The following GAB3 variants were observed in gnomAD, a reference collection of about 807,000 sequenced individuals.
GAB3 encodes the protein GRB2-associated-binding protein 3.
In GAB3, 12 loss-of-function variants were observed where a neutral mutation model predicts 40.4. The ratio of observed to expected loss-of-function variants is 0.30; its 90% CI spans 0.19 to 0.48. The LOEUF is 0.48. Among genes scored for constraint, GAB3 ranks in the 20% least tolerant of loss-of-function variants. The pLI is 0.99. For synonymous variants in GAB3, 154 were observed against 176.7 expected, an observed-to-expected ratio of 0.87 and a Z score of 1.02; for missense variants, 381 against 461.9, an observed-to-expected ratio of 0.82 and a Z score of 1.61.
intron 1 of GAB3, among the ~76,000 whole-genome samples, chrX:154,741,112 A>C (rs1557261168): frequency 1.8e-5 from 2 of 111,925 alleles, no homozygotes; most frequent in Non-Finnish European, 1.9e-5. Flanking sequence ...AATAAGTCTC[A>C]CAAGATCTGA....
chrX:154,691,923 G>C (rs2070576554), intron 8 of GAB3, among the ~76,000 whole-genome samples: 1 of 111,905 alleles, frequency 8.9e-6, no homozygotes, highest in African/African-American at 3.2e-5. Flanking sequence ...GGATAGTCTA[G>C]ACTTTCCAAC....
intron 1 of GAB3, among the ~76,000 whole-genome samples, chrX:154,739,971 T>C (rs1557261007): frequency 8.9e-6 from 1 of 112,430 alleles, no homozygotes; most frequent in Non-Finnish European, 1.9e-5. Context: ...TAAAACAAGA[T>C]ACCATTTATC....
chrX:154,683,365 C>T (rs782642199), intron 8 of GAB3, among the ~76,000 whole-genome samples: 31 of 112,408 alleles, frequency 2.8e-4, no homozygotes, highest in African/African-American at 9.0e-4. Context: ...GTTCTCATAT[C>T]CATTATGCCT....
chrX:154,730,375 T>C (rs1342488888), intron 1 of GAB3, among the ~76,000 whole-genome samples: 10 of 112,159 alleles, frequency 8.9e-5, no homozygotes, highest in Non-Finnish European at 1.9e-4. Flanking sequence ...AGATTCTAGT[T>C]ACTGTTTAGA....
intron 8 of GAB3, among the ~76,000 whole-genome samples, chrX:154,690,255 C>T (rs1314531857): frequency 9.0e-6 from 1 of 111,071 alleles, no homozygotes; most frequent in Non-Finnish European, 1.9e-5. Flanking sequence ...ACACCTTATA[C>T]AAAAATTAAT....
chrX:154,739,286 T>G (rs1383947554), intron 1 of GAB3, among the ~76,000 whole-genome samples: 1 of 112,252 alleles, frequency 8.9e-6, no homozygotes, highest in Non-Finnish European at 1.9e-5. Flanking sequence ...CCATGTGTAT[T>G]GCAGCACTAT....
intron 1 of GAB3, among the ~76,000 whole-genome samples, chrX:154,728,260 C>T (rs782414201): frequency 2.7e-4 from 30 of 111,918 alleles, no homozygotes; most frequent in South Asian, 1.5e-3. Flanking sequence ...TGGAGCTCTA[C>T]GTTTTGATCC....
Position 154,677,994 on chromosome X carries a change from A to G in GAB3, c.*184T>C, listed in dbSNP as rs894110860. On this transcript the variant is annotated 3_prime_UTR_variant, in exon 10 of 10. Coordinates refer to ENST00000424127, the MANE Select transcript of GAB3 (RefSeq NM_001081573.3). ...ACTGCTTCCTTCTTTTCTTCCTTCA[A>G]TGTATAAACAGGTCTTCTTTCCTAA... 79 of 340,940 alleles carry G rather than the reference A, an allele frequency of 2.3e-4. No individual in the cohort carries two copies. Among genetic ancestry groups the G allele is most frequent in the Non-Finnish European group, 5.6e-5 (11 of 196,768 alleles). 28.1% of individuals were successfully genotyped at this position (340,940 alleles called of 1,213,427 possible). A position where few individuals can be genotyped will look rare whatever the true frequency, so the allele number is the denominator to read the frequency against.
intron 8 of GAB3, among the ~76,000 whole-genome samples, chrX:154,689,314 G>C (rs1395193819): frequency 1.8e-5 from 2 of 110,219 alleles, no homozygotes; most frequent in Non-Finnish European, 3.8e-5. Flanking sequence ...ATATCATACT[G>C]AATGGGCAAA....
At chrX:154,715,240 A>T (rs1465087339) in intron 2 of GAB3, among the ~76,000 whole-genome samples, 2 of 112,104 alleles carry the variant, frequency 1.8e-5, no homozygotes, top group African/African-American at 6.5e-5. Context: ...TGTCTACTAG[A>T]CTAAGAGGCT....
chrX:154,698,491 G>C (rs2070694946), intron 6 of GAB3, among the ~76,000 whole-genome samples: 2 of 111,353 alleles, frequency 1.8e-5, no homozygotes, highest in African/African-American at 6.6e-5. Flanking sequence ...GGCAGCTTTG[G>C]GCACAGCCAC....
At chrX:154,686,571 G>T (rs1008677813) in intron 8 of GAB3, among the ~76,000 whole-genome samples, 2 of 109,747 alleles carry the variant, frequency 1.8e-5, no homozygotes, top group African/African-American at 6.6e-5. Context: ...TGGGACTATA[G>T]GCACAGCTAC....
intron 1 of GAB3, among the ~76,000 whole-genome samples, chrX:154,722,791 G>A (rs182538405): frequency 1.7e-4 from 19 of 112,160 alleles, no homozygotes; most frequent in African/African-American, 4.9e-4. Flanking sequence ...TGATCGAGAA[G>A]GACACATGGA....
intron 2 of GAB3, among the ~76,000 whole-genome samples, chrX:154,715,764 A>T (rs2071037082): frequency 1.8e-5 from 2 of 112,287 alleles, no homozygotes; most frequent in African/African-American, 6.5e-5. Flanking sequence ...TGGCTGAATG[A>T]GAGCAAAGAC....
At chrX:154,750,909 G>GC in intron 1 of GAB3, 45 bp downstream of exon 1, 1 of 757,515 alleles carries the variant, frequency 1.3e-6, no homozygotes. Context: ...GCGGGCGGGT[G>GC]CCCCGGGACG....
intron 1 of GAB3, among the ~76,000 whole-genome samples, chrX:154,728,811 A>G (rs1341922863): frequency 1.8e-5 from 2 of 112,465 alleles, no homozygotes; most frequent in Non-Finnish European, 1.9e-5. Flanking sequence ...CAGTCTTGGC[A>G]TACAATACGT....
chrX:154,675,813 C>T lies in GAB3; in HGVS notation c.*2365G>A, dbSNP rs1310125944. The T allele has an allele frequency of 9.0e-6, 1 of 111,705 alleles. No homozygotes were observed. Among genetic ancestry groups the T allele is most frequent in the East Asian group, 2.8e-4 (1 of 3,568 alleles). The allele number at this position is 111,705 out of a possible 1,213,427, so 9.2% of individuals were successfully genotyped here. On this transcript the variant is annotated 3_prime_UTR_variant, in exon 10 of 10. Transcript: ENST00000424127. ...CTCACACACACACATCGATCATCTC[C>T]ACCAAAACCAATATTTTGACTTATG...
chrX:154,713,247 C>G lies in GAB3; in HGVS notation c.556G>C (p.Val186Leu). 1 of 1,211,013 alleles carries G rather than the reference C, an allele frequency of 8.3e-7. No homozygotes were observed. Residue 186 changes from valine (V) to leucine (L), a missense_variant, in exon 3 of 10, where the codon GTT becomes CTT. Val to Leu is a conservative substitution (Grantham distance 32). Around this residue, in one of 2 missense-constraint regions of GAB3, gnomAD observed 364 missense variants for 421.0 expected, o/e 0.86. Transcript: ENST00000424127. Reference sequence around the variant, plus strand: ...CTTCCAGTCTCGCAGTTGGACAAAACCAGATAATCTGGAAGGAAGAGAAGC... The same window carrying G: ...CTTCCAGTCTCGCAGTTGGACAAAAGCAGATAATCTGGAAGGAAGAGAAGC... ...SELLFLPDYL[V>L]LSNCETGRLH... is the part of the protein sequence containing the mutation.
At position 154,697,145 on chromosome X, in the gene GAB3, G is replaced by A. The variant is rs782526090; in HGVS notation, c.1414C>T (p.Arg472Cys). ...IREHASLTRT[R>C]TVPCSRTSFL... Reference sequence around the variant, plus strand: ...AATCAGTCTTACCAAGGCACAGTGCGGGTCCTGGTAAGAGATGCATGTTCC... The same window carrying A: ...AATCAGTCTTACCAAGGCACAGTGCAGGTCCTGGTAAGAGATGCATGTTCC... The change falls in exon 7 of 10, where the codon CGC becomes TGC. Residue 472 changes from arginine to cysteine, a missense_variant. Coordinates refer to ENST00000424127, the MANE Select transcript of GAB3 (RefSeq NM_001081573.3). 14 of 1,203,285 alleles carry A rather than the reference G, an allele frequency of 1.2e-5. No individual in the cohort carries two copies. The highest frequency in any genetic ancestry group is 8.9e-5 in the Admixed American group (4 of 45,027).
Sources: allele counts gnomAD v4.1 joint callset (sites outside exome capture counted in the v4.1 genomes callset), GRCh38; gene constraint gnomAD v4.1.1; regional missense constraint gnomAD v4.1.1; transcripts MANE v1.5; gene names NCBI Gene and HGNC (gene_info 2026-07-23, HGNC 2026-07-21).